Variants in MSI2 observed in about 807,000 individuals in gnomAD.
MSI2 encodes RNA-binding protein Musashi homolog 2.
A neutral mutation model predicts 45.6 loss-of-function variants in MSI2; 17 were observed. That is an observed-to-expected ratio of 0.37 (90% CI 0.26 to 0.56). MSI2 has a LOEUF of 0.56. Among genes scored for constraint, MSI2 ranks in the 20% least tolerant of loss-of-function variants. The probability of loss-of-function intolerance (pLI) is 0.77; values close to 1 mark genes in which losing one functional copy is unlikely to be tolerated. For missense variants in MSI2, 293 were observed against 444.2 expected, an observed-to-expected ratio of 0.66 and a Z score of 3.06; for synonymous variants, 156 against 158.2, an observed-to-expected ratio of 0.99 and a Z score of 0.11.
intron 5 of MSI2, among the ~76,000 whole-genome samples, chr17:57,318,238 C>G (rs960304149): frequency 6.6e-6 from 1 of 152,030 alleles, no homozygotes; most frequent in African/African-American, 2.4e-5. Flanking sequence ...TGAGCATGTC[C>G]TGGAAGAGGA....
chr17:57,368,182 C>T (rs2083368266), intron 5 of MSI2, among the ~76,000 whole-genome samples: 1 of 152,160 alleles, frequency 6.6e-6, no homozygotes. Context: ...TAGAATTTTT[C>T]ATAGGCTACA....
At chr17:57,637,942 C>T (rs1391928529) in intron 10 of MSI2, among the ~76,000 whole-genome samples, 1 of 152,240 alleles carries the variant, frequency 6.6e-6, no homozygotes, top group East Asian at 1.9e-4. Context: ...TACCACCAGC[C>T]TTGCAAAGTC....
At chr17:57,425,625 G>A (rs1016430955) in intron 6 of MSI2, among the ~76,000 whole-genome samples, 18 of 152,110 alleles carry the variant, frequency 1.2e-4, no homozygotes, top group African/African-American at 2.9e-4. Context: ...ATTGACTTAC[G>A]CAAACCCTTA....
chr17:57,648,653 C>G (rs1479915880), intron 10 of MSI2, among the ~76,000 whole-genome samples: 1 of 152,166 alleles, frequency 6.6e-6, no homozygotes, highest in Non-Finnish European at 1.5e-5. Flanking sequence ...CAGTGGGGTG[C>G]TGGGCATCTG....
intron 6 of MSI2, among the ~76,000 whole-genome samples, chr17:57,438,997 T>G (rs1428687352): frequency 1.3e-5 from 2 of 152,146 alleles, no homozygotes; most frequent in African/African-American, 4.8e-5. Flanking sequence ...AAATGGAGTT[T>G]CACCATGTTG....
intron 6 of MSI2, among the ~76,000 whole-genome samples, chr17:57,489,059 A>G (rs994546395): frequency 2.0e-5 from 3 of 152,180 alleles, no homozygotes; most frequent in Admixed American, 1.3e-4. Context: ...TTTATGTGTC[A>G]TCAGAGTCAT....
At chr17:57,614,669 G>A (rs890233940) in intron 8 of MSI2, among the ~76,000 whole-genome samples, 1 of 152,172 alleles carries the variant, frequency 6.6e-6, no homozygotes, top group African/African-American at 2.4e-5. Flanking sequence ...ATCTTCATCA[G>A]CAGTGGGATT....
chr17:57,552,436 C>T lies in MSI2; in HGVS notation c.454+22712C>T, dbSNP rs146002542. On this transcript the variant is annotated intron_variant, in intron 7 of 13. Transcript: ENST00000284073. This position sits in a 1 kb window ranked among gnomAD's most constrained non-coding sequence, Gnocchi z 4.3. Reference sequence around the variant, plus strand: ...CTGCATCCAGCCCCTGGGTCTTCCACCTCCTGGCACGCTCTAGCCTAGGCC... The same window carrying T: ...CTGCATCCAGCCCCTGGGTCTTCCATCTCCTGGCACGCTCTAGCCTAGGCC... Among the ~76,000 whole-genome samples the T allele has an allele frequency of 1.8e-3, 267 of 152,258 alleles. 2 individuals are homozygous for T. Among genetic ancestry groups the T allele is most frequent in the African/African-American group, 6.2e-3 (259 of 41,546 alleles).
intron 7 of MSI2, among the ~76,000 whole-genome samples, chr17:57,574,828 CTTT>C (rs34704876): frequency 5.5e-5 from 7 of 128,392 alleles, no homozygotes; most frequent in Non-Finnish European, 8.2e-5. Flanking sequence ...CTCTCTCTCT[CTTT>C]TTTTTTTTTT....
chr17:57,496,022 G>T (rs888752605), intron 6 of MSI2, among the ~76,000 whole-genome samples: 1 of 152,200 alleles, frequency 6.6e-6, no homozygotes, highest in Non-Finnish European at 1.5e-5. Context: ...ATACTTGAAT[G>T]ATACTAGAAT....
chr17:57,414,012 T>A (rs2084246291), intron 6 of MSI2, among the ~76,000 whole-genome samples: 2 of 151,978 alleles, frequency 1.3e-5, no homozygotes, highest in Non-Finnish European at 2.9e-5. Flanking sequence ...ACAAGATCCT[T>A]GCTTACTTGG....
At chr17:57,636,417 G>T (rs750492254) in intron 10 of MSI2, among the ~76,000 whole-genome samples, 1 of 152,146 alleles carries the variant, frequency 6.6e-6, no homozygotes, top group Non-Finnish European at 1.5e-5. Flanking sequence ...TGGGCCACCG[G>T]GGGGAGCAAC....
At chr17:57,297,468 C>T (rs144599557) in intron 5 of MSI2, among the ~76,000 whole-genome samples, 85 of 152,268 alleles carry the variant, frequency 5.6e-4, no homozygotes, top group Non-Finnish European at 7.1e-4. Context: ...TGACAAAAAT[C>T]TGAGCCTTTA....
chr17:57,446,965 G>T (rs1350245716), intron 6 of MSI2, among the ~76,000 whole-genome samples: 1 of 152,182 alleles, frequency 6.6e-6, no homozygotes, highest in East Asian at 1.9e-4. Flanking sequence ...TTGATGCAAG[G>T]TTGCTATGTA....
rs1020953801 is a variant in MSI2, at chr17:57,680,069, A to G, written c.*552A>G. ...TGTATGAATTTTCAGGTGGAACTTT[A>G]GCACACACTGAAGCAAAGTTGTGAA... On this transcript the variant is annotated 3_prime_UTR_variant, in exon 14 of 14. Coordinates refer to ENST00000284073, the MANE Select transcript of MSI2 (RefSeq NM_138962.4). 1.3e-5 allele frequency: 3 copies of G among 228,378 alleles called. No homozygotes were observed. Among genetic ancestry groups the G allele is most frequent in the Non-Finnish European group, 2.6e-5 (3 of 115,086 alleles). The allele number at this position is 228,378 out of a possible 1,614,324, so 14.1% of individuals were successfully genotyped here. A position where few individuals can be genotyped will look rare whatever the true frequency, so the allele number is the denominator to read the frequency against.
rs1481038249 is a variant in MSI2 at position 57,680,439 on chromosome 17, T to G, written c.*922T>G. 1 of 229,272 alleles carries G rather than the reference T, an allele frequency of 4.4e-6. No individual in the cohort carries two copies. Among genetic ancestry groups the G allele is most frequent in the African/African-American group, 2.2e-5 (1 of 45,086 alleles). The allele number at this position is 229,272 out of a possible 1,614,324, so 14.2% of individuals were successfully genotyped here. A position where few individuals can be genotyped will look rare whatever the true frequency, so the allele number is the denominator to read the frequency against. ...AGGGAGTCGGTCCCAGGCAGTTTGA[T>G]GCTCTGTGGAAGGAGGCGGGAAGGG... On this transcript the variant is annotated 3_prime_UTR_variant, in exon 14 of 14. Coordinates refer to ENST00000284073, the MANE Select transcript of MSI2 (RefSeq NM_138962.4).
intron 5 of MSI2, among the ~76,000 whole-genome samples, chr17:57,297,316 A>G (rs1911064678): frequency 6.6e-6 from 1 of 152,084 alleles, no homozygotes. Flanking sequence ...CAGTAAAGCT[A>G]GTCAGATGAT....
chr17:57,385,836 C>T (rs2083676755), intron 5 of MSI2, among the ~76,000 whole-genome samples: 1 of 152,142 alleles, frequency 6.6e-6, no homozygotes, highest in African/African-American at 2.4e-5. Flanking sequence ...TTAGCAGCTT[C>T]AGGTAACCAT....
At chr17:57,371,142 C>G (rs1015094112) in intron 5 of MSI2, among the ~76,000 whole-genome samples, 2 of 152,094 alleles carry the variant, frequency 1.3e-5, no homozygotes, top group African/African-American at 4.8e-5. Flanking sequence ...ATAGATACAT[C>G]TCAAATGCTC....
Sources: allele counts gnomAD v4.1 joint callset (sites outside exome capture counted in the v4.1 genomes callset), GRCh38; gene constraint gnomAD v4.1.1; non-coding constraint Gnocchi (gnomAD v3.1); transcripts MANE v1.5; gene names NCBI Gene and HGNC (gene_info 2026-07-23, HGNC 2026-07-21).